The following GABRR2 variants were observed in gnomAD, a reference collection of about 807,000 sequenced individuals.
GABRR2 encodes the protein gamma-aminobutyric acid type A receptor subunit rho2.
GABRR2 carries 36 observed loss-of-function variants against 47.0 expected under a neutral mutation model. The ratio of observed to expected loss-of-function variants is 0.77; its 90% CI spans 0.59 to 1.01. The LOEUF (loss-of-function observed/expected upper bound fraction) is 1.01, where lower values mean the gene tolerates loss of function less well. Ranked by LOEUF, GABRR2 falls within the 50% of genes least tolerant of loss-of-function variation. The probability of loss-of-function intolerance (pLI) is 0.00; values close to 1 mark genes in which losing one functional copy is unlikely to be tolerated. For synonymous variants in GABRR2, 204 were observed against 227.5 expected (o/e 0.90, Z 0.93); for missense variants, 587 against 594.6 (o/e 0.99, Z 0.13).
chr6:89,268,553 G>A (rs1041979360), intron 4 of GABRR2, among the ~76,000 whole-genome samples: 4 of 151,740 alleles, frequency 2.6e-5, no homozygotes, highest in African/African-American at 9.7e-5. Context: ...TAAGAAAAAA[G>A]CATTTTTTTA....
intron 1 of GABRR2, among the ~76,000 whole-genome samples, chr6:89,301,548 A>G (rs1291851035): frequency 6.6e-6 from 1 of 152,094 alleles, no homozygotes; most frequent in African/African-American, 2.4e-5. Context: ...GATCAATGTA[A>G]AAAATCACTG....
chr6:89,272,895 G>A (rs1396408681), intron 2 of GABRR2, among the ~76,000 whole-genome samples: 1 of 152,170 alleles, frequency 6.6e-6, no homozygotes, highest in African/African-American at 2.4e-5. Context: ...CTCAGCTCCC[G>A]CCCAAATGCA....
intron 1 of GABRR2, among the ~76,000 whole-genome samples, chr6:89,303,950 C>T (rs1446510922): frequency 6.6e-6 from 1 of 152,116 alleles, no homozygotes; most frequent in Admixed American, 6.5e-5. Flanking sequence ...ATACAAATAT[C>T]AACTCAAGAT....
intron 8 of GABRR2, among the ~76,000 whole-genome samples, chr6:89,260,808 A>G (rs1260887495): frequency 6.6e-6 from 1 of 152,168 alleles, no homozygotes; most frequent in Non-Finnish European, 1.5e-5. Context: ...GATTCCAGGG[A>G]AGGTACTCCA....
intron 3 of GABRR2, chr6:89,270,269 C>A (rs1487483390): frequency 6.6e-6 from 1 of 152,282 alleles, no homozygotes; most frequent in East Asian, 1.9e-4. Flanking sequence ...AGGGGAAGTG[C>A]AGATTCACAA....
chr6:89,279,071 C>T (rs1774214617), intron 2 of GABRR2, among the ~76,000 whole-genome samples: 1 of 152,146 alleles, frequency 6.6e-6, no homozygotes, highest in Non-Finnish European at 1.5e-5. Context: ...ATGATAAGCC[C>T]GAGAAACCGC....
rs1205017238 is a variant in GABRR2, at chr6:89,271,637, C to CA, written c.288+17_288+18insT. On this transcript the variant is annotated intron_variant, in intron 3 of 8. Transcript: ENST00000402938. ...CACTACAGGCTCTCACGCTGTGTCACTGGAGGCCGCTGCATACCATGTCCA... is the reference window on the plus strand; with the variant it reads ...CACTACAGGCTCTCACGCTGTGTCACATGGAGGCCGCTGCATACCATGTCCA... 1 of 1,605,354 alleles carries CA rather than the reference C, an allele frequency of 6.2e-7. No homozygotes were observed. Among genetic ancestry groups the CA allele is most frequent in the Non-Finnish European group, 8.5e-7 (1 of 1,175,318 alleles).
In GABRR2 at chr6:89,257,769, A is replaced by G. The variant is rs1182720249; in HGVS notation, c.1299T>C (p.Arg433=). 1 of 1,613,992 alleles carries G rather than the reference A, an allele frequency of 6.2e-7. No individual in the cohort carries two copies. Among genetic ancestry groups the G allele is most frequent in the Admixed American group, 1.7e-5 (1 of 60,028 alleles). ...CAATGGCATGGGTATTCTGGAAGAT[A>G]CGAAAACCCGTCTGGCCCTTCAGAA... The part of the protein sequence containing the change: ...KGLLKGQTGF[R]IFQNTHAIDK... Residue 433 remains arginine, a synonymous_variant, in exon 9 of 9, where the codon CGT becomes CGC. Coordinates refer to ENST00000402938, the MANE Select transcript of GABRR2 (RefSeq NM_002043.5).
intron 2 of GABRR2, among the ~76,000 whole-genome samples, chr6:89,297,984 T>G (rs763456058): frequency 3.9e-5 from 6 of 152,260 alleles, no homozygotes; most frequent in Non-Finnish European, 5.9e-5. Flanking sequence ...ACGCCTTGCT[T>G]AGACTTCCTG....
chr6:89,275,465 A>T (rs1774141911), intron 2 of GABRR2, among the ~76,000 whole-genome samples: 1 of 152,020 alleles, frequency 6.6e-6, no homozygotes, highest in Non-Finnish European at 1.5e-5. Context: ...GTAGAGATGG[A>T]GTTTCACCAT....
chr6:89,256,856 G>A lies in GABRR2; in HGVS notation c.*814C>T, dbSNP rs1773609277. On this transcript the variant is annotated 3_prime_UTR_variant, in exon 9 of 9. Coordinates refer to ENST00000402938, the MANE Select transcript of GABRR2 (RefSeq NM_002043.5). ...TATCTGTGTAACTTCACTGGAGGAG[G>A]ATAGTTGAAAGTTCTGGACCTGGCC... Among the ~76,000 whole-genome samples the A allele has an allele frequency of 6.6e-6, 1 of 152,168 alleles. No individual in the cohort carries two copies. Among genetic ancestry groups the A allele is most frequent in the Non-Finnish European group, 1.5e-5 (1 of 68,032 alleles).
rs549536104 is a variant in GABRR2, at chr6:89,275,022, T to A, written c.221-3300A>T. On this transcript the variant is annotated intron_variant, in intron 2 of 8. Coordinates refer to ENST00000402938, the MANE Select transcript of GABRR2 (RefSeq NM_002043.5). ...GGGAAATACATGCTTAGCCAAGGGCTCTTCTTGGTTCCTAACTTTCCGCTT... is the reference window on the plus strand; with the variant it reads ...GGGAAATACATGCTTAGCCAAGGGCACTTCTTGGTTCCTAACTTTCCGCTT... Among the ~76,000 whole-genome samples the A allele has an allele frequency of 9.9e-5, 15 of 152,270 alleles. No homozygotes were observed. In the South Asian group the frequency reaches 3.1e-3, roughly 32 times the overall value.
intron 1 of GABRR2, among the ~76,000 whole-genome samples, chr6:89,301,360 G>C (rs937676243): frequency 6.6e-6 from 1 of 152,136 alleles, no homozygotes; most frequent in African/African-American, 2.4e-5. Context: ...ACATAGTATT[G>C]TAAGTCCTGG....
chr6:89,301,779 C>T, intron 1 of GABRR2: 1 of 765,888 alleles, frequency 1.3e-6, no homozygotes, highest in South Asian at 1.4e-5. Flanking sequence ...CAGACACGCC[C>T]AGTATGAGGG....
At chr6:89,303,647 GAAAA>G (rs34541330) in intron 1 of GABRR2, among the ~76,000 whole-genome samples, 7 of 102,714 alleles carry the variant, frequency 6.8e-5, no homozygotes, top group Admixed American at 1.1e-4. Flanking sequence ...TCTTAAGGAG[GAAAA>G]AAAAAAAAAA....
intron 1 of GABRR2, among the ~76,000 whole-genome samples, chr6:89,306,708 TCAC>T (rs560676303): frequency 1.2e-4 from 18 of 152,020 alleles, no homozygotes; most frequent in Admixed American, 4.6e-4. Flanking sequence ...ATCATTTTCT[TCAC>T]CACAACTGCA....
At chr6:89,266,416 G>A (rs1773896163) in intron 6 of GABRR2, among the ~76,000 whole-genome samples, 1 of 152,190 alleles carries the variant, frequency 6.6e-6, no homozygotes, top group African/African-American at 2.4e-5. Flanking sequence ...GCAGGAGCTG[G>A]GAGAGCTAGG....
At chr6:89,263,812 C>T (rs1183362685) in intron 8 of GABRR2, among the ~76,000 whole-genome samples, 1 of 152,230 alleles carries the variant, frequency 6.6e-6, no homozygotes, top group Non-Finnish European at 1.5e-5. Context: ...CGTGAGCCAC[C>T]ACGCCCGGCA....
At chr6:89,302,466 C>T in intron 1 of GABRR2, 1 of 617,978 alleles carries the variant, frequency 1.6e-6, no homozygotes, top group Non-Finnish European at 3.0e-6. Flanking sequence ...TGACATTGGC[C>T]ACCATGAGCA....
Sources: allele counts gnomAD v4.1 joint callset (sites outside exome capture counted in the v4.1 genomes callset), GRCh38; gene constraint gnomAD v4.1.1; transcripts MANE v1.5; gene names NCBI Gene and HGNC (gene_info 2026-07-23, HGNC 2026-07-21).